Variants in PSMD13 observed in about 807,000 individuals in gnomAD.
The protein encoded by PSMD13 is proteasome 26S subunit, non-ATPase 13, also known as 26S proteasome non-ATPase regulatory subunit 13.
A neutral mutation model predicts 57.4 loss-of-function variants in PSMD13; 8 were observed. The observed-to-expected ratio is 0.14, with a 90% CI of 0.08 to 0.25. PSMD13 has a LOEUF of 0.25. Among genes scored for constraint, PSMD13 ranks in the 10% least tolerant of loss-of-function variants. The pLI, the probability that PSMD13 is intolerant of heterozygous loss-of-function variation, is 1.00. For synonymous variants in PSMD13, 193 were observed against 168.2 expected (o/e 1.15, Z -1.14); for missense variants, 400 against 461.5 (o/e 0.87, Z 1.22).
intron 2 of PSMD13, among the ~76,000 whole-genome samples, chr11:239,711 G>A (rs1037471243): frequency 1.3e-5 from 2 of 152,030 alleles, no homozygotes; most frequent in African/African-American, 2.4e-5. Flanking sequence ...AGACAAATAC[G>A]CACCTTCTTT....
Position 252,236 on chromosome 11 carries a change from G to T in PSMD13, c.1036-269G>T, listed in dbSNP as rs1053715440. Reference sequence around the variant, plus strand: ...TCCTGGTTCTGTGATTTGAGCTCACGTCGCTCTTACATTTGCTGGAAATGC... The same window carrying T: ...TCCTGGTTCTGTGATTTGAGCTCACTTCGCTCTTACATTTGCTGGAAATGC... On this transcript the variant is annotated intron_variant, in intron 12 of 12. Coordinates refer to ENST00000532097, the MANE Select transcript of PSMD13 (RefSeq NM_002817.4). This position sits in a 1 kb window ranked among gnomAD's most constrained non-coding sequence, Gnocchi z 4.1. 3.9e-6 allele frequency: 2 copies of T among 511,874 alleles called. No individual in the cohort carries two copies. The allele number at this position is 511,874 out of a possible 1,614,324, so 31.7% of individuals were successfully genotyped here. A position where few individuals can be genotyped will look rare whatever the true frequency, so the allele number is the denominator to read the frequency against.
Position 247,357 on chromosome 11 carries a change from C to G in PSMD13, c.477C>G (p.Ser159=). The change falls in exon 7 of 13, where the codon TCC becomes TCG. Residue 159 remains serine, a synonymous_variant. Transcript: ENST00000532097. ...TSVHSRFYDL[S]SKYYQTIGNH... ...TTCACAGTCGTTTCTATGATCTCTC[C>G]AGTAAATACTATCAAACAATCGGAA... The G allele has an allele frequency of 1.2e-6, 2 of 1,614,138 alleles. No individual in the cohort carries two copies. Among genetic ancestry groups the G allele is most frequent in the Non-Finnish European group, 1.7e-6 (2 of 1,179,996 alleles).
At position 244,466 on chromosome 11, in the gene PSMD13, G is replaced by T; in HGVS notation, c.306G>T (p.Glu102Asp). The change falls in exon 5 of 13, where the codon GAG (glutamate) becomes GAT (aspartate). Residue 102 changes from glutamate (E) to aspartate (D), a missense_variant. By Grantham distance (45) the Glu-to-Asp change is conservative (BLOSUM62 2). Coordinates refer to ENST00000532097, the MANE Select transcript of PSMD13 (RefSeq NM_002817.4). ...VALTFLEKTREKVKSSDEAVI... is the reference protein window; with the variant it reads ...VALTFLEKTRDKVKSSDEAVI... The stretch of plus-strand genomic sequence containing the variant: ...TTACTTTTCTGGAAAAGACTCGTGA[G>T]AAGGTAAATGTGGCATGTGGGCAAT... 1 of 1,601,564 alleles carries T rather than the reference G, an allele frequency of 6.2e-7. No individual in the cohort carries two copies. Among genetic ancestry groups the T allele is most frequent in the Non-Finnish European group, 8.5e-7 (1 of 1,174,516 alleles).
rs1859795507 is a variant in PSMD13, at chr11:252,831, T to G, written c.*231T>G. On this transcript the variant is annotated 3_prime_UTR_variant, in exon 13 of 13. Transcript: ENST00000532097. This position sits in a 1 kb window ranked among gnomAD's most constrained non-coding sequence, Gnocchi z 4.1. ...TGCAGAGGGTGGGGGTCTCAGGGTC[T>G]TAGGTGATACGGGAGAGAAAGAACG... The G allele has an allele frequency of 2.0e-6, 1 of 503,776 alleles. No homozygotes were observed. Among genetic ancestry groups the G allele is most frequent in the South Asian group, 2.5e-5 (1 of 40,016 alleles). 31.2% of individuals were successfully genotyped at this position (503,776 alleles called of 1,614,324 possible).
chr11:247,337 A>G lies in PSMD13; in HGVS notation c.457A>G (p.Ser153Gly), dbSNP rs1427934170. The G allele has an allele frequency of 2.5e-6, 4 of 1,614,098 alleles. No individual in the cohort carries two copies. The highest frequency in any genetic ancestry group is 2.2e-5 in the East Asian group (1 of 44,902). ...CCTTCCTGGTGTGACATCGGTTCACAGTCGTTTCTATGATCTCTCCAGTAA... is the reference window on the plus strand; with the variant it reads ...CCTTCCTGGTGTGACATCGGTTCACGGTCGTTTCTATGATCTCTCCAGTAA... ...NNLPGVTSVHSRFYDLSSKYY... is the reference protein window; with the variant it reads ...NNLPGVTSVHGRFYDLSSKYY... Residue 153 changes from serine (S) to glycine (G), a missense_variant, in exon 7 of 13, where the codon AGT (serine) becomes GGT (glycine). Ser to Gly is a moderately conservative substitution (Grantham distance 56). Transcript: ENST00000532097.
rs1859592714 is a variant in PSMD13, at chr11:244,607, A to G, written c.310-68A>G. The G allele has an allele frequency of 6.5e-6, 10 of 1,531,544 alleles. No homozygotes were observed. The African/African-American group carries it at 1.2e-4, about 19-fold the overall frequency. 94.9% of individuals were successfully genotyped at this position (1,531,544 alleles called of 1,614,324 possible). A position where few individuals can be genotyped will look rare whatever the true frequency, so the allele number is the denominator to read the frequency against. The stretch of plus-strand genomic sequence containing the variant: ...ATCAAGGTTAAGTTAATGTACAAGT[A>G]GCTAGCTTCCTTTGTTAGTCAACTG... On this transcript the variant is annotated intron_variant, in intron 5 of 12. Transcript: ENST00000532097.
At chr11:240,262 A>G (rs1045905411) in intron 2 of PSMD13, among the ~76,000 whole-genome samples, 7 of 151,924 alleles carry the variant, frequency 4.6e-5, no homozygotes, top group Non-Finnish European at 8.8e-5. Flanking sequence ...GGTGCCCACC[A>G]CCACAGCCAG....
chr11:243,841 A>T (rs1342160692), intron 2 of PSMD13, among the ~76,000 whole-genome samples, 200 bp from the exon 3 acceptor site: 1 of 152,240 alleles, frequency 6.6e-6, no homozygotes, highest in Non-Finnish European at 1.5e-5. Flanking sequence ...TTGATCATTT[A>T]TGTGAATGTA....
Position 241,232 on chromosome 11 carries a change from C to T in PSMD13, c.174+2156C>T, listed in dbSNP as rs530438725. Among the ~76,000 whole-genome samples, 8 of 152,132 alleles carry T rather than the reference C, an allele frequency of 5.3e-5. No homozygotes were observed. The South Asian group carries it at 1.7e-3, about 32-fold the overall frequency. ...CAGCTCGCTGCAACCTCCGTCTCCC[C>T]AGTTCAAGCCATTCTCATGCCTCAG... On this transcript the variant is annotated intron_variant, in intron 2 of 12. Transcript: ENST00000532097.
intron 2 of PSMD13, among the ~76,000 whole-genome samples, chr11:242,792 T>A (rs1022419112): frequency 6.6e-6 from 1 of 152,240 alleles, no homozygotes; most frequent in Admixed American, 6.5e-5. Context: ...TTATGTCTTT[T>A]TCTTTTTCTC....
rs990272318 is a variant in PSMD13, at chr11:251,144, C to T, written c.837+279C>T. The T allele has an allele frequency of 4.2e-6, 2 of 481,432 alleles. No homozygotes were observed. Among genetic ancestry groups the T allele is most frequent in the Non-Finnish European group, 7.6e-6 (2 of 264,410 alleles). The allele number at this position is 481,432 out of a possible 1,614,324, so 29.8% of individuals were successfully genotyped here. ...GAGATGAAGTAGCTGCCCCTCTCCCCGTGATGCAGTTGTTGCCTCATTGCA... is the reference window on the plus strand; with the variant it reads ...GAGATGAAGTAGCTGCCCCTCTCCCTGTGATGCAGTTGTTGCCTCATTGCA... On this transcript the variant is annotated intron_variant, in intron 10 of 12. Transcript: ENST00000532097. This position sits in a 1 kb window ranked among gnomAD's most constrained non-coding sequence, Gnocchi z 4.6.
chr11:239,151 C>CTAA lies in PSMD13; in HGVS notation c.174+88_174+90dup, dbSNP rs1198108438. On this transcript the variant is annotated intron_variant, in intron 2 of 12. Coordinates refer to ENST00000532097, the MANE Select transcript of PSMD13 (RefSeq NM_002817.4). ...TTTTGAAAATAAGATAGGCTTTATGCTAATAATAATAATAAGCTCCAATAT... is the reference window on the plus strand; with the variant it reads ...TTTTGAAAATAAGATAGGCTTTATGCTAATAATAATAATAATAAGCTCCAATAT... 14 of 1,274,052 alleles carry CTAA rather than the reference C, an allele frequency of 1.1e-5. No individual in the cohort carries two copies. In the East Asian group the frequency reaches 2.3e-4, roughly 21 times the overall value. 78.9% of individuals were successfully genotyped at this position (1,274,052 alleles called of 1,614,324 possible).
chr11:241,414 A>C (rs1036691128), intron 2 of PSMD13, among the ~76,000 whole-genome samples: 2 of 152,210 alleles, frequency 1.3e-5, no homozygotes, highest in African/African-American at 4.8e-5. Flanking sequence ...GCTACATAAC[A>C]GACGTGAGCC....
intron 1 of PSMD13, among the ~76,000 whole-genome samples, chr11:237,686 A>G (rs576084416): frequency 1.6e-4 from 24 of 151,780 alleles, no homozygotes; most frequent in Non-Finnish European, 2.4e-4. Context: ...ACGGGGTGCA[A>G]CCACTTCCGC....
rs757481516 is a variant in PSMD13 at position 245,712 on chromosome 11, TTGTGTG to T, written c.396+959_396+964del. On this transcript the variant is annotated intron_variant, in intron 6 of 12. Transcript: ENST00000532097. ...TGTGTGTTCGTGTGTTTGTGTGTGT[TTGTGTG>T]TGTGTGTTTGTGTGTGTGTGTGTTT... 3.7e-3 allele frequency among the ~76,000 whole-genome samples: 141 copies of T among 37,678 alleles called. 1 individual carries two copies. The Middle Eastern group carries it at 0.038, about 10-fold the overall frequency. The allele number at this position is 37,678 out of a possible 152,430, so 24.7% of individuals were successfully genotyped here. A position where few individuals can be genotyped will look rare whatever the true frequency, so the allele number is the denominator to read the frequency against.
At chr11:248,456 G>A (rs1859701294) in intron 7 of PSMD13, among the ~76,000 whole-genome samples, 1 of 152,168 alleles carries the variant, frequency 6.6e-6, no homozygotes, top group Non-Finnish European at 1.5e-5. Context: ...GCTAGGTTAG[G>A]TAACTTAAAT....
chr11:246,455 C>A (rs1039566008), intron 6 of PSMD13, among the ~76,000 whole-genome samples: 2 of 150,862 alleles, frequency 1.3e-5, no homozygotes, highest in Admixed American at 6.6e-5. Flanking sequence ...GAGCCGAGAT[C>A]GCACCACTGC....
intron 6 of PSMD13, 113 bp downstream of exon 6, chr11:244,874 C>A: frequency 2.3e-6 from 2 of 870,228 alleles, no homozygotes; most frequent in Non-Finnish European, 1.7e-6. Context: ...TTTTACATTA[C>A]AGAAAAGTTG....
At position 237,034 on chromosome 11, in the gene PSMD13, G is replaced by A. The variant is rs560188941; in HGVS notation, c.-16G>A. The A allele has an allele frequency of 2.5e-6, 4 of 1,600,194 alleles. No individual in the cohort carries two copies. The South Asian group carries it at 3.3e-5, about 13-fold the overall frequency. On this transcript the variant is annotated 5_prime_UTR_variant, in exon 1 of 13. Coordinates refer to ENST00000532097, the MANE Select transcript of PSMD13 (RefSeq NM_002817.4). ...CATCCCGGTTGTTCTTCTGTGCCGG[G>A]GGTCTTCCTGCTGTCATGAAGGACG...
Sources: gnomAD v4.1 joint callset for allele counts (sites outside exome capture counted in the v4.1 genomes callset) on GRCh38, gnomAD v4.1.1 for gene constraint, Gnocchi (gnomAD v3.1) non-coding constraint, MANE v1.5 for transcripts, NCBI Gene and HGNC (gene_info 2026-07-23, HGNC 2026-07-21) for gene names.